Variants in PML observed in about 807,000 individuals in gnomAD.
PML encodes protein PML.
A neutral mutation model predicts 65.2 loss-of-function variants in PML; 28 were observed. That is an observed-to-expected ratio of 0.43 (90% CI 0.32 to 0.59). The LOEUF (loss-of-function observed/expected upper bound fraction) is 0.59. Ranked by LOEUF, PML falls within the 20% of genes least tolerant of loss-of-function variation. PML has a pLI of 0.08. For synonymous variants in PML, 500 were observed against 508.8 expected (o/e 0.98, Z 0.23); for missense variants, 1,021 against 1,203.4 (o/e 0.85, Z 2.24).
At chr15:74,034,655 G>A in intron 7 of PML, 125 bp downstream of exon 7, 1 of 1,600,838 alleles carries the variant, frequency 6.2e-7, no homozygotes, top group Non-Finnish European at 8.5e-7. Context: ...GTGAGGCATT[G>A]AGTCCCAAGC....
At chr15:73,999,056 C>G (rs954159740) in intron 2 of PML, among the ~76,000 whole-genome samples, 2 of 152,160 alleles carry the variant, frequency 1.3e-5, no homozygotes, top group African/African-American at 4.8e-5. Context: ...GTACAGTTCA[C>G]GAACAAAATT....
intron 4 of PML, chr15:74,027,808 A>G (rs11636150): frequency 0.55 from 83,109 of 152,170 alleles, 22,981 homozygotes; most frequent in East Asian, 0.64. Context: ...TCTGGCTTCA[A>G]TCCTTGCCTG....
intron 2 of PML, among the ~76,000 whole-genome samples, chr15:74,005,177 C>T (rs1595882956): frequency 1.3e-5 from 2 of 152,044 alleles, no homozygotes; most frequent in Admixed American, 1.3e-4. Flanking sequence ...CTCAGCCTCC[C>T]GAGTAGCTGG....
chr15:74,007,863 C>A (rs993040264), intron 2 of PML, among the ~76,000 whole-genome samples: 2 of 152,222 alleles, frequency 1.3e-5, no homozygotes, highest in African/African-American at 2.4e-5. Flanking sequence ...CAGCCATTAA[C>A]AATTGAGGCG....
Position 74,045,292 on chromosome 15 carries a change from A to C in PML, c.*284A>C. The C allele has an allele frequency of 2.2e-6, 1 of 449,032 alleles. No homozygotes were observed. Among genetic ancestry groups the C allele is most frequent in the Non-Finnish European group, 4.0e-6 (1 of 249,964 alleles). The allele number at this position is 449,032 out of a possible 1,614,324, so 27.8% of individuals were successfully genotyped here. On this transcript the variant is annotated 3_prime_UTR_variant, in exon 9 of 9. Coordinates refer to ENST00000268058, the MANE Select transcript of PML (RefSeq NM_033238.3). ...GGAGGTCCTGAGTGAGGAAGGCATG[A>C]CCTCTGGGCTCTCTAGGTGGCCCTG...
In PML at chr15:74,037,772, G is replaced by C; in HGVS notation, c.1710+3242G>C. ...GCAGGCTCTGTTTTTTCTTGGTTGTGGTGCTCCTGCAGGTTTGCTGCTGGG... is the reference window on the plus strand; with the variant it reads ...GCAGGCTCTGTTTTTTCTTGGTTGTCGTGCTCCTGCAGGTTTGCTGCTGGG... On this transcript the variant is annotated intron_variant, in intron 7 of 8. Coordinates refer to ENST00000268058, the MANE Select transcript of PML (RefSeq NM_033238.3). The surrounding 1 kb of genome is among the most constrained non-coding windows in gnomAD (Gnocchi z 4.2). 5.3e-6 allele frequency: 5 copies of C among 949,864 alleles called. No homozygotes were observed. Among genetic ancestry groups the C allele is most frequent in the Non-Finnish European group, 6.3e-6 (5 of 797,490 alleles). 58.8% of individuals were successfully genotyped at this position (949,864 alleles called of 1,614,324 possible). A position where few individuals can be genotyped will look rare whatever the true frequency, so the allele number is the denominator to read the frequency against.
At chr15:73,998,574 G>A in intron 2 of PML, 98 bp downstream of exon 2, 1 of 1,034,226 alleles carries the variant, frequency 9.7e-7, no homozygotes, top group Non-Finnish European at 1.4e-6. Context: ...AGGACAAGGA[G>A]CTTCTGGGGC....
At chr15:74,024,584 A>G (rs1408602146) in intron 3 of PML, among the ~76,000 whole-genome samples, 1 of 152,216 alleles carries the variant, frequency 6.6e-6, no homozygotes, top group Non-Finnish European at 1.5e-5. Flanking sequence ...CTGTTGGCTC[A>G]GAGATGGAGA....
In PML at chr15:74,035,364, G is replaced by A. The variant is rs746776339; in HGVS notation, c.1710+834G>A. ...GCCCGCTGAGCAGGCTGCCACCCCCGATGCTGAGCCTCACAGCGAGCCTCC... is the reference window on the plus strand; with the variant it reads ...GCCCGCTGAGCAGGCTGCCACCCCCAATGCTGAGCCTCACAGCGAGCCTCC... On this transcript the variant is annotated intron_variant, in intron 7 of 8. Transcript: ENST00000268058. The surrounding 1 kb of genome is among the most constrained non-coding windows in gnomAD (Gnocchi z 4.1). 86 of 1,611,732 alleles carry A rather than the reference G, an allele frequency of 5.3e-5. No homozygotes were observed. Among genetic ancestry groups the A allele is most frequent in the African/African-American group, 4.3e-4 (32 of 74,822 alleles).
intron 4 of PML, among the ~76,000 whole-genome samples, chr15:74,028,597 C>T (rs750225110): frequency 2.6e-5 from 4 of 152,202 alleles, no homozygotes; most frequent in Non-Finnish European, 4.4e-5. Context: ...TACCACCACC[C>T]GTTCCAGAAG....
intron 7 of PML, among the ~76,000 whole-genome samples, chr15:74,040,877 A>T (rs1273475890): frequency 6.6e-6 from 1 of 152,194 alleles, no homozygotes; most frequent in African/African-American, 2.4e-5. Context: ...AGTTTAGGAC[A>T]AAGGACATTT....
rs145305476 is a variant in PML at position 74,045,172 on chromosome 15, A to C, written c.*164A>C. 1.5e-6 allele frequency: 1 copy of C among 659,218 alleles called. No homozygotes were observed. The highest frequency in any genetic ancestry group is 1.8e-5 in the African/African-American group (1 of 54,950). The allele number at this position is 659,218 out of a possible 1,614,324, so 40.8% of individuals were successfully genotyped here. ...CTCTGGGACCAAATTTCCCTTCTCT[A>C]AACATCCTACAGAGAAGGTTCCAAA... On this transcript the variant is annotated 3_prime_UTR_variant, in exon 9 of 9. Transcript: ENST00000268058.
chr15:74,005,459 C>CT (rs71137370), intron 2 of PML, among the ~76,000 whole-genome samples: 78,442 of 151,712 alleles, frequency 0.52, 20,760 homozygotes, highest in Non-Finnish European at 0.58. Flanking sequence ...TGTTGCTTTG[C>CT]TTTTTTCCCC....
chr15:74,033,496 C>T, intron 6 of PML, 82 bp downstream of exon 6: 1 of 1,499,010 alleles, frequency 6.7e-7, no homozygotes, highest in East Asian at 2.3e-5. Flanking sequence ...TTGGCCCCAT[C>T]CAGAAAGCCC....
intron 7 of PML, among the ~76,000 whole-genome samples, chr15:74,040,960 G>A (rs908940625): frequency 2.0e-5 from 3 of 152,212 alleles, no homozygotes; most frequent in Admixed American, 6.5e-5. Context: ...CTGCTGTAAC[G>A]ATGGGAGGGG....
At position 74,037,433 on chromosome 15, in the gene PML, C is replaced by A. The variant is rs1390675862; in HGVS notation, c.1710+2903C>A. 1.0e-6 allele frequency: 1 copy of A among 985,402 alleles called. No individual in the cohort carries two copies. Among genetic ancestry groups the A allele is most frequent in the Non-Finnish European group, 1.2e-6 (1 of 829,928 alleles). 61.0% of individuals were successfully genotyped at this position (985,402 alleles called of 1,614,324 possible). A position where few individuals can be genotyped will look rare whatever the true frequency, so the allele number is the denominator to read the frequency against. On this transcript the variant is annotated intron_variant, in intron 7 of 8. Coordinates refer to ENST00000268058, the MANE Select transcript of PML (RefSeq NM_033238.3). The surrounding 1 kb of genome is among the most constrained non-coding windows in gnomAD (Gnocchi z 4.2). ...TCACTCCTCCTCCTCATCTCTCTTG[C>A]ATCTTCTAATGTATCCACTGCCTTC... is the stretch of plus-strand genomic sequence containing the variant.
chr15:74,035,582 T>G lies in PML; in HGVS notation c.1710+1052T>G, dbSNP rs1010600893. ...CAGGGCCCCTCAACCATCCTGCCAA[T>G]GCCCAGGAACATCCTGCCCAGCTGC... On this transcript the variant is annotated intron_variant, in intron 7 of 8. Coordinates refer to ENST00000268058, the MANE Select transcript of PML (RefSeq NM_033238.3). The surrounding 1 kb of genome is among the most constrained non-coding windows in gnomAD (Gnocchi z 4.1). 2 of 1,612,030 alleles carry G rather than the reference T, an allele frequency of 1.2e-6. No individual in the cohort carries two copies. Among genetic ancestry groups the G allele is most frequent in the Non-Finnish European group, 8.5e-7 (1 of 1,179,828 alleles).
chr15:74,022,750 A>G, intron 2 of PML, 78 bp from the exon 3 acceptor site: 1 of 1,133,282 alleles, frequency 8.8e-7, no homozygotes, highest in South Asian at 1.3e-5. Context: ...TATTTTTGGA[A>G]GAGGAATTTA....
At position 74,029,368 on chromosome 15, in the gene PML, A is replaced by G. The variant is rs375347080; in HGVS notation, c.1255-3204A>G. Among the ~76,000 whole-genome samples the G allele has an allele frequency of 2.4e-4, 37 of 152,338 alleles. No homozygotes were observed. The East Asian group carries it at 6.7e-3, about 28-fold the overall frequency. ...GCTGGGTCCAGTGGCTCACGCCTGT[A>G]ATCCTAGCACTTTGGGAGGCGGAGG... On this transcript the variant is annotated intron_variant, in intron 4 of 8. Coordinates refer to ENST00000268058, the MANE Select transcript of PML (RefSeq NM_033238.3).
Sources: gnomAD v4.1 joint callset for allele counts (sites outside exome capture counted in the v4.1 genomes callset) on GRCh38, gnomAD v4.1.1 for gene constraint, Gnocchi (gnomAD v3.1) non-coding constraint, MANE v1.5 for transcripts, NCBI Gene and HGNC (gene_info 2026-07-23, HGNC 2026-07-21) for gene names.